The following MGST2 variants were observed in gnomAD, a reference collection of about 807,000 sequenced individuals.
The protein encoded by MGST2 is microsomal glutathione S-transferase 2.
In MGST2, 9 loss-of-function variants were observed where a neutral mutation model predicts 16.6. That is an observed-to-expected ratio of 0.54 (90% CI 0.33 to 0.95). MGST2 has a LOEUF of 0.95. Among genes scored for constraint, MGST2 ranks in the 40% least tolerant of loss-of-function variants. The pLI is 0.03. For synonymous variants in MGST2, 79 were observed against 68.0 expected (o/e 1.16, Z -0.79); for missense variants, 159 against 175.1 (o/e 0.91, Z 0.52).
downstream of MGST2, among the ~76,000 whole-genome samples, chr4:139,708,429 T>C (rs368417584): frequency 2.6e-5 from 4 of 151,676 alleles, no homozygotes; most frequent in East Asian, 5.8e-4. Flanking sequence ...TATATCTCTT[T>C]TTTGGTACCA....
intron 5 of MGST2, among the ~76,000 whole-genome samples, chr4:139,726,811 C>T (rs1728490594): frequency 6.6e-6 from 1 of 152,112 alleles, no homozygotes; most frequent in Admixed American, 6.5e-5. Flanking sequence ...AGTGTTGCTA[C>T]CAATATGCTG....
chr4:139,750,202 C>T, the MGST2 span, among the ~76,000 whole-genome samples: 1 of 152,138 alleles, frequency 6.6e-6, no homozygotes, highest in African/African-American at 2.4e-5. Context: ...GGGTTCAGAT[C>T]CCCTGGGTGC....
chr4:139,666,203 C>A (rs1229925966), intron 1 of MGST2, 126 bp downstream of exon 1: 2 of 1,007,448 alleles, frequency 2.0e-6, no homozygotes, highest in African/African-American at 1.6e-5. Flanking sequence ...CTTGCCCTTG[C>A]AGGTAGCTCT....
chr4:139,703,788 C>T (rs374537230), intron 4 of MGST2, among the ~76,000 whole-genome samples: 8 of 152,176 alleles, frequency 5.3e-5, no homozygotes, highest in African/African-American at 1.9e-4. Context: ...AGAAAGTTAC[C>T]GAGGAAATAA....
At position 139,719,289 on chromosome 4, in the gene MGST2, C is replaced by G. The variant is rs761935961; in HGVS notation, c.*48+15093C>G. 23 of 1,529,746 alleles carry G rather than the reference C, an allele frequency of 1.5e-5. 1 individual carries two copies. Among genetic ancestry groups the G allele is most frequent in the Middle Eastern group, 3.5e-4 (2 of 5,654 alleles). The allele number at this position is 1,529,746 out of a possible 1,614,324, so 94.8% of individuals were successfully genotyped here. On this transcript the variant is annotated intron_variant, in intron 5 of 5. Transcript: ENST00000616265. The stretch of plus-strand genomic sequence containing the variant: ...TTCTTTTTCACTTTTTAAGCTTTAA[C>G]CACTCGAGTTGTGGATCTTGGGGCC...
intron 3 of MGST2, among the ~76,000 whole-genome samples, chr4:139,695,583 C>T (rs1365885140): frequency 6.6e-6 from 1 of 152,120 alleles, no homozygotes; most frequent in Non-Finnish European, 1.5e-5. Flanking sequence ...GATCGTGCCA[C>T]TACACTCCAG....
chr4:139,670,254 G>T (rs796586223), intron 1 of MGST2, among the ~76,000 whole-genome samples: 1 of 133,436 alleles, frequency 7.5e-6, no homozygotes, highest in African/African-American at 2.8e-5. Context: ...CCTTCGGTGG[G>T]GGGCGGGGGG....
the MGST2 span, among the ~76,000 whole-genome samples, chr4:139,751,325 T>C: frequency 6.6e-6 from 1 of 152,202 alleles, no homozygotes; most frequent in Non-Finnish European, 1.5e-5. Flanking sequence ...TTTCTTGGGA[T>C]TTTGGAATAT....
chr4:139,669,776 T>C (rs1730573837), intron 1 of MGST2, among the ~76,000 whole-genome samples: 1 of 152,232 alleles, frequency 6.6e-6, no homozygotes, highest in Non-Finnish European at 1.5e-5. Context: ...ATGCACAGCA[T>C]GAGAGAATGG....
At chr4:139,703,608 C>T (rs1372895973) in intron 4 of MGST2, 72 bp downstream of exon 4, 2 of 1,386,854 alleles carry the variant, frequency 1.4e-6, no homozygotes, top group Non-Finnish European at 2.0e-6. Flanking sequence ...TTTCCTTCTC[C>T]TGAGAGATAT....
chr4:139,701,417 G>A (rs1020039440), intron 3 of MGST2, among the ~76,000 whole-genome samples: 5 of 151,986 alleles, frequency 3.3e-5, no homozygotes, highest in Non-Finnish European at 7.4e-5. Flanking sequence ...TGGTCCGCTC[G>A]TTCCTGTCCT....
intron 1 of MGST2, among the ~76,000 whole-genome samples, chr4:139,667,041 C>T (rs886173965): frequency 6.6e-6 from 1 of 152,180 alleles, no homozygotes; most frequent in Non-Finnish European, 1.5e-5. Flanking sequence ...ATTAAAGAAG[C>T]ACTTAGATCT....
At chr4:139,691,023 C>T (rs1374421798) in intron 2 of MGST2, among the ~76,000 whole-genome samples, 1 of 152,194 alleles carries the variant, frequency 6.6e-6, no homozygotes, top group Non-Finnish European at 1.5e-5. Context: ...CTCCATGTCC[C>T]CCTAAATTCC....
chr4:139,748,501 T>C, the MGST2 span, among the ~76,000 whole-genome samples: 1 of 151,986 alleles, frequency 6.6e-6, no homozygotes, highest in South Asian at 2.1e-4. Flanking sequence ...CAGGACAAAA[T>C]GCATCAGTGG....
At position 139,737,799 on chromosome 4, in the gene MGST2, A is replaced by G. The variant is rs1181059093; in HGVS notation, c.*49-2413A>G. ...ACTGTGGGTTTGGAGAGGTGTTTAC[A>G]ATAAATTCATAGCAGAGCTCCAAAA... is the stretch of plus-strand genomic sequence containing the variant. On this transcript the variant is annotated intron_variant, in intron 5 of 5. Transcript: ENST00000616265. Among the ~76,000 whole-genome samples, 8 of 152,370 alleles carry G rather than the reference A, an allele frequency of 5.3e-5. No homozygotes were observed. In the East Asian group the frequency reaches 1.3e-3, roughly 26 times the overall value.
intron 5 of MGST2, chr4:139,720,036 G>T: frequency 3.1e-6 from 5 of 1,614,088 alleles, no homozygotes; most frequent in East Asian, 2.2e-5. Context: ...GAGGCAGGTT[G>T]CCTCGGTCCC....
At chr4:139,719,518 G>A (rs200199092) in intron 5 of MGST2, 16 of 1,613,554 alleles carry the variant, frequency 9.9e-6, no homozygotes, top group Non-Finnish European at 1.2e-5. Flanking sequence ...TTGGAGCAAA[G>A]CTGCCACTGG....
At chr4:139,691,700 T>TGATG (rs755265489) in intron 2 of MGST2, among the ~76,000 whole-genome samples, 1 of 128,792 alleles carries the variant, frequency 7.8e-6, no homozygotes, top group Admixed American at 7.5e-5. Flanking sequence ...TGATGATGAT[T>TGATG]ATTATTATTA....
intron 1 of MGST2, among the ~76,000 whole-genome samples, chr4:139,676,869 T>C (rs1730987084): frequency 6.6e-6 from 1 of 152,234 alleles, no homozygotes. Flanking sequence ...CTGTTTTTTG[T>C]GGGGGAACTT....
Sources: gnomAD v4.1 joint callset for allele counts (sites outside exome capture counted in the v4.1 genomes callset) on GRCh38, gnomAD v4.1.1 for gene constraint, MANE v1.5 for transcripts, NCBI Gene and HGNC (gene_info 2026-07-23, HGNC 2026-07-21) for gene names.